The following COL6A5 variants were observed in gnomAD, a reference collection of about 807,000 sequenced individuals.
The protein encoded by COL6A5 is collagen alpha-5(VI) chain.
Under a neutral mutation model 65.6 loss-of-function variants are expected in COL6A5, and 48 were observed. That is an observed-to-expected ratio of 0.73 (90% confidence interval 0.58 to 0.93). The LOEUF (loss-of-function observed/expected upper bound fraction) is 0.93, where lower values mean the gene tolerates loss of function less well. Ranked by LOEUF, COL6A5 falls within the 40% of genes least tolerant of loss-of-function variation. The pLI is 0.00. For missense variants in COL6A5, 914 were observed against 928.3 expected, an observed-to-expected ratio of 0.98 and a Z score of 0.20; for synonymous variants, 291 against 322.8, an observed-to-expected ratio of 0.90 and a Z score of 1.05.
intron 1 of COL6A5, among the ~76,000 whole-genome samples, chr3:130,349,010 G>C (rs1279744678): frequency 6.6e-6 from 1 of 151,920 alleles, no homozygotes; most frequent in Admixed American, 6.6e-5. Context: ...AACCATTCTT[G>C]TCCTGTATTC....
intron 5 of COL6A5, among the ~76,000 whole-genome samples, chr3:130,464,435 G>T (rs1298605472): frequency 1.3e-5 from 2 of 151,950 alleles, no homozygotes; most frequent in Non-Finnish European, 2.9e-5. Context: ...ACCCAGCAAT[G>T]CTTTTCTTTA....
rs115590520 is a variant in COL6A5 at position 130,420,701 on chromosome 3, G to A, written c.4951-452G>A. On this transcript the variant is annotated intron_variant and NMD_transcript_variant, in intron 25 of 41. Coordinates refer to the COL6A5 transcript ENST00000312481. Reference sequence around the variant, plus strand: ...TAGGGCATCCACAACAACAGGTATTGTCACTTTTTTCCATCTTTACCATTG... The same window carrying A: ...TAGGGCATCCACAACAACAGGTATTATCACTTTTTTCCATCTTTACCATTG... Among the ~76,000 whole-genome samples, 1,031 of 152,248 alleles carry A rather than the reference G, an allele frequency of 6.8e-3. 4 individuals are homozygous for A. Among genetic ancestry groups the A allele is most frequent in the Non-Finnish European group, 0.011 (738 of 67,998 alleles).
chr3:130,484,047 C>T (rs1454518433), exon 8 of COL6A5: 2 of 1,608,174 alleles, frequency 1.2e-6, no homozygotes, highest in South Asian at 1.1e-5. Context: ...GGTGAAGATA[C>T]AAGGTCATCA....
chr3:130,360,994 T>C (rs1015534010), intron 1 of COL6A5, among the ~76,000 whole-genome samples: 3 of 151,994 alleles, frequency 2.0e-5, no homozygotes, highest in Non-Finnish European at 4.4e-5. Flanking sequence ...AAAGTTCCTA[T>C]ATGCCCCCCT....
At chr3:130,417,221 G>C (rs140331055) in intron 24 of COL6A5, among the ~76,000 whole-genome samples, 43 of 152,184 alleles carry the variant, frequency 2.8e-4, no homozygotes, top group African/African-American at 1.0e-3. Flanking sequence ...TGCTGAGAAT[G>C]ATGGCTTCCA....
At chr3:130,391,243 A>G (rs1559874542) in exon 7 of COL6A5, 3 of 1,551,680 alleles carry the variant, frequency 1.9e-6, no homozygotes, top group East Asian at 4.9e-5. Context: ...GCATAAAAAA[A>G]CAATATCAAG....
Position 130,475,205 on chromosome 3 carries a change from A to C in COL6A5, c.2328+4238A>C, listed in dbSNP as rs140628470. ...AGAATTCCATAAGGGAAGTAGAAAG[A>C]TTCATGCAGAAAAAATATTTTAGGA... is the stretch of plus-strand genomic sequence containing the variant. On this transcript the variant is annotated intron_variant, in intron 7 of 7. Coordinates refer to ENST00000512836, the Ensembl canonical transcript of COL6A5. 4.7e-3 allele frequency among the ~76,000 whole-genome samples: 712 copies of C among 151,978 alleles called. 5 individuals carry two copies. Among genetic ancestry groups the C allele is most frequent in the African/African-American group, 0.016 (679 of 41,508 alleles).
rs376064077 is a variant in COL6A5 at position 130,403,597 on chromosome 3, C to T, written c.4228-12C>T. On this transcript the variant is annotated splice_polypyrimidine_tract_variant and intron_variant and NMD_transcript_variant, in intron 12 of 41. Transcript: ENST00000312481. ...GGGTGACTAAAATGTATTGTTCTCT[C>T]TTTCTTCCCAGGGTTCTCAAGGTCT... The T allele has an allele frequency of 8.6e-5, 133 of 1,550,180 alleles. 1 individual carries two copies. The African/African-American group carries it at 1.7e-3, about 19-fold the overall frequency.
At chr3:130,401,423 G>A in intron 11 of COL6A5, among the ~76,000 whole-genome samples, 1 of 152,086 alleles carries the variant, frequency 6.6e-6, no homozygotes, top group South Asian at 2.1e-4. Flanking sequence ...GAATTAAAAA[G>A]CCCCCAACTG....
At chr3:130,457,596 G>C (rs1709601670) in intron 5 of COL6A5, among the ~76,000 whole-genome samples, 1 of 152,098 alleles carries the variant, frequency 6.6e-6, no homozygotes, top group African/African-American at 2.4e-5. Context: ...AGTATGCTGA[G>C]AGTTCTGGGG....
chr3:130,410,447 T>C, intron 19 of COL6A5, 24 bp from the exon 20 acceptor site: 1 of 1,538,706 alleles, frequency 6.5e-7, no homozygotes, highest in Non-Finnish European at 8.8e-7. Flanking sequence ...CCTTTTGATC[T>C]TGAGGAAATT....
intron 7 of COL6A5, chr3:130,471,885 A>T: frequency 6.5e-7 from 1 of 1,534,986 alleles, no homozygotes; most frequent in Non-Finnish European, 8.7e-7. Flanking sequence ...CATTTAGAAG[A>T]AATTTCAGCT....
At chr3:130,397,519 TGCCG>T in intron 8 of COL6A5, 60 bp from the exon 9 acceptor site, 1 of 1,310,796 alleles carries the variant, frequency 7.6e-7, no homozygotes, top group Admixed American at 2.4e-5. Context: ...TCCTTTTTTC[TGCCG>T]TCTCTCCTTC....
chr3:130,401,297 A>G (rs1463643584), intron 11 of COL6A5, 124 bp downstream of exon 11: 1 of 849,098 alleles, frequency 1.2e-6, no homozygotes, highest in Non-Finnish European at 1.8e-6. Flanking sequence ...TGTCCTTAGT[A>G]TATAAAAAAG....
At position 130,446,296 on chromosome 3, in the gene COL6A5, G is replaced by A. The variant is rs1327658299; in HGVS notation, c.1332+2730G>A. On this transcript the variant is annotated intron_variant, in intron 4 of 7. Coordinates refer to ENST00000512836, the Ensembl canonical transcript of COL6A5. ...ATCCAGGTGAGAGGTCGAATAAGTG[G>A]AGGAAAAGGCACATAAGCCCAATAA... is the stretch of plus-strand genomic sequence containing the variant. Among the ~76,000 whole-genome samples, 3 of 152,104 alleles carry A rather than the reference G, an allele frequency of 2.0e-5. No individual in the cohort carries two copies. The East Asian group carries it at 5.8e-4, about 29-fold the overall frequency.
intron 7 of COL6A5, among the ~76,000 whole-genome samples, chr3:130,473,241 C>T (rs1710005059): frequency 6.6e-6 from 1 of 151,918 alleles, no homozygotes; most frequent in African/African-American, 2.4e-5. Context: ...GAAAAGTAAG[C>T]AAAAGCAAGT....
chr3:130,395,193 C>T, exon 8 of COL6A5: 1 of 1,551,668 alleles, frequency 6.4e-7, no homozygotes, highest in Admixed American at 2.0e-5. Flanking sequence ...AATCTACATG[C>T]TGGTGGGAGA....
chr3:130,440,404 G>T, exon 3 of COL6A5: 1 of 1,613,614 alleles, frequency 6.2e-7, no homozygotes. Context: ...CCAGGAGAAA[G>T]ATGGGTACAG....
intron 1 of COL6A5, among the ~76,000 whole-genome samples, chr3:130,347,207 C>G (rs557369218): frequency 2.0e-5 from 3 of 152,110 alleles, no homozygotes; most frequent in Non-Finnish European, 4.4e-5. Flanking sequence ...TTTCCCTTTT[C>G]TTCAATGGGT....
Sources: gnomAD v4.1 joint callset for allele counts (sites outside exome capture counted in the v4.1 genomes callset) on GRCh38, gnomAD v4.1.1 for gene constraint, MANE v1.5 for transcripts, NCBI Gene and HGNC (gene_info 2026-07-23, HGNC 2026-07-21) for gene names.